Variants in WDR97 observed in about 807,000 individuals in gnomAD.
WDR97 encodes the protein WD repeat-containing protein 97.
A neutral mutation model predicts 65.4 loss-of-function variants in WDR97; 111 were observed. The observed-to-expected ratio is 1.70, with a 90% confidence interval of 1.45 to 1.99. WDR97 has a LOEUF of 1.99. Among genes scored for constraint, WDR97 ranks in the 30% most tolerant of loss-of-function variants. The pLI is 0.00. For missense variants in WDR97, 1,674 were observed against 865.0 expected (o/e 1.94, Z -11.73); for synonymous variants, 802 against 397.7 (o/e 2.02, Z -12.10).
chr8:144,109,280 A>G, intron 4 of WDR97, 55 bp from the exon 5 acceptor site: 1 of 698,580 alleles, frequency 1.4e-6, no homozygotes, highest in Non-Finnish European at 2.6e-6. Context: ...ACTGCAACAC[A>G]GGCTGAAGGC....
rs535613226 is a variant in WDR97 at position 144,110,846 on chromosome 8, C to A, written c.2172-18C>A. On this transcript the variant is annotated intron_variant, in intron 8 of 23. Transcript: ENST00000323662. ...CCTTGTCCCTGCTGAGCCTCGGCTGCCCTGGGTGCCTCTCCAGGCTCCTGC... is the reference window on the plus strand; with the variant it reads ...CCTTGTCCCTGCTGAGCCTCGGCTGACCTGGGTGCCTCTCCAGGCTCCTGC... 3 of 702,684 alleles carry A rather than the reference C, an allele frequency of 4.3e-6. No homozygotes were observed. The highest frequency in any genetic ancestry group is 5.4e-5 in the East Asian group (2 of 37,282). 43.5% of individuals were successfully genotyped at this position (702,684 alleles called of 1,614,324 possible).
rs1265917031 is a variant in WDR97 at position 144,109,373 on chromosome 8, C to T, written c.1039C>T (p.Leu347=). Residue 347 remains leucine, a synonymous_variant, in exon 5 of 24, where the codon CTG becomes TTG. Transcript: ENST00000323662. ...TAMTVLPNTT[L]VLSASQDGTL... is the part of the protein sequence containing the mutation. Reference sequence around the variant, plus strand: ...TATGACTGTGCTCCCGAACACGACCCTGGTGTTGTCGGCCTCGCAGGACGG... The same window carrying T: ...TATGACTGTGCTCCCGAACACGACCTTGGTGTTGTCGGCCTCGCAGGACGG... 1 of 702,668 alleles carries T rather than the reference C, an allele frequency of 1.4e-6. No homozygotes were observed. Among genetic ancestry groups the T allele is most frequent in the East Asian group, 2.7e-5 (1 of 37,278 alleles). The allele number at this position is 702,668 out of a possible 1,614,324, so 43.5% of individuals were successfully genotyped here. A position where few individuals can be genotyped will look rare whatever the true frequency, so the allele number is the denominator to read the frequency against.
rs1318705440 is a variant in WDR97 at position 144,115,390 on chromosome 8, C to T, written c.4127C>T (p.Ser1376Phe). Residue 1376 changes from serine (S) to phenylalanine (F), a missense_variant, in exon 22 of 24, where the codon TCC (serine) becomes TTC (phenylalanine). Coordinates refer to ENST00000323662, the MANE Select transcript of WDR97 (RefSeq NM_001316309.2). ...SVVSGAPTRA[S>F]VIPSGTSWSA... ...GTCTCTGGGGCACCCACACGCGCCTCCGTGATACCCTCGGGCACCTCCTGG... is the reference window on the plus strand; with the variant it reads ...GTCTCTGGGGCACCCACACGCGCCTTCGTGATACCCTCGGGCACCTCCTGG... 2 of 627,722 alleles carry T rather than the reference C, an allele frequency of 3.2e-6. No individual in the cohort carries two copies. The highest frequency in any genetic ancestry group is 1.8e-5 in the South Asian group (1 of 56,668). 38.9% of individuals were successfully genotyped at this position (627,722 alleles called of 1,614,324 possible).
At chr8:144,112,781 G>T in intron 15 of WDR97, 1 of 558,986 alleles carries the variant, frequency 1.8e-6, no homozygotes, top group Non-Finnish European at 3.2e-6. Context: ...GCTGACATCA[G>T]GCAAAGCCAG....
Position 144,111,159 on chromosome 8 carries a change from A to G in WDR97, c.2363A>G (p.Gln788Arg), listed in dbSNP as rs1836540459. 2.8e-6 allele frequency: 2 copies of G among 702,818 alleles called. No homozygotes were observed. Among genetic ancestry groups the G allele is most frequent in the East Asian group, 5.4e-5 (2 of 37,274 alleles). The allele number at this position is 702,818 out of a possible 1,614,324, so 43.5% of individuals were successfully genotyped here. Residue 788 changes from glutamine to arginine, a missense_variant, in exon 10 of 24, where the codon CAG becomes CGG. Transcript: ENST00000323662. ...GACCCTCCGCTGCCACTGATGAGCC[A>G]GGAGTCACTGACTTCCGCCCAACTG... ...VDDPPLPLMS[Q>R]ESLTSAQLQR...
Position 144,108,687 on chromosome 8 carries a change from C to G in WDR97, c.621C>G (p.Asp207Glu). The change falls in exon 3 of 24, where the codon GAC becomes GAG. Residue 207 changes from aspartate (D) to glutamate (E), a missense_variant. Transcript: ENST00000323662. ...CCACCTGCTGCCTGCCGGTTCCCGACCTCAGGCTGCTGCTCGTTGCGGAGA... is the reference window on the plus strand; with the variant it reads ...CCACCTGCTGCCTGCCGGTTCCCGAGCTCAGGCTGCTGCTCGTTGCGGAGA... ...WAPTCCLPVP[D>E]LRLLLVAEMN... 1.4e-6 allele frequency: 1 copy of G among 700,932 alleles called. No individual in the cohort carries two copies. The highest frequency in any genetic ancestry group is 2.6e-6 in the Non-Finnish European group (1 of 384,528). The allele number at this position is 700,932 out of a possible 1,614,324, so 43.4% of individuals were successfully genotyped here.
chr8:144,109,613 C>A lies in WDR97; in HGVS notation c.1279C>A (p.His427Asn). 1.5e-6 allele frequency: 1 copy of A among 687,158 alleles called. No individual in the cohort carries two copies. Among genetic ancestry groups the A allele is most frequent in the Non-Finnish European group, 2.6e-6 (1 of 378,312 alleles). The allele number at this position is 687,158 out of a possible 1,614,324, so 42.6% of individuals were successfully genotyped here. The change falls in exon 5 of 24, where the codon CAC becomes AAC. Residue 427 changes from histidine to asparagine, a missense_variant. Transcript: ENST00000323662. The part of the protein sequence containing the change: ...PLAQLPAKVL[H>N]VQVAPALPAP... ...GGCGCAACTGCCCGCCAAGGTGCTCCACGTGCAGGTGGCGCCCGCGTTGCC... is the reference window on the plus strand; with the variant it reads ...GGCGCAACTGCCCGCCAAGGTGCTCAACGTGCAGGTGGCGCCCGCGTTGCC...
At position 144,116,511 on chromosome 8, in the gene WDR97, C is replaced by T. The variant is rs948967908; in HGVS notation, c.*218C>T. 153 of 494,412 alleles carry T rather than the reference C, an allele frequency of 3.1e-4. 1 individual carries two copies. The highest frequency in any genetic ancestry group is 4.8e-4 in the Non-Finnish European group (135 of 282,118). 30.6% of individuals were successfully genotyped at this position (494,412 alleles called of 1,614,324 possible). ...CTGGCGGAGGTGGCCATCGTGGGCA[C>T]CAGCGTTCCCGGAGGGGTGGCCGGC... On this transcript the variant is annotated 3_prime_UTR_variant, in exon 24 of 24. Coordinates refer to ENST00000323662, the MANE Select transcript of WDR97 (RefSeq NM_001316309.2).
chr8:144,110,893 C>A lies in WDR97; in HGVS notation c.2201C>A (p.Ala734Asp), dbSNP rs1176089426. ...RLLQLNGAPQALAFCSNSGDL... is the reference protein window; with the variant it reads ...RLLQLNGAPQDLAFCSNSGDL... ...CTGCAGCTGAATGGTGCCCCTCAGG[C>A]CCTGGCTTTCTGCAGCAACAGTGGA... The change falls in exon 9 of 24, where the codon GCC becomes GAC. Residue 734 changes from alanine (A) to aspartate (D), a missense_variant. Coordinates refer to ENST00000323662, the MANE Select transcript of WDR97 (RefSeq NM_001316309.2). The A allele has an allele frequency of 1.4e-6, 1 of 702,776 alleles. No individual in the cohort carries two copies. The highest frequency in any genetic ancestry group is 2.6e-6 in the Non-Finnish European group (1 of 384,984). The allele number at this position is 702,776 out of a possible 1,614,324, so 43.5% of individuals were successfully genotyped here.
chr8:144,114,510 C>T (rs775895750), intron 19 of WDR97, 35 bp downstream of exon 19: 39 of 702,288 alleles, frequency 5.6e-5, no homozygotes, highest in Non-Finnish European at 8.3e-5. Flanking sequence ...TTTTCCTCCC[C>T]GCCCACCGGC....
At chr8:144,112,769 G>C in intron 15 of WDR97, 1 of 569,714 alleles carries the variant, frequency 1.8e-6, no homozygotes, top group Non-Finnish European at 3.1e-6. Flanking sequence ...GCTGCTCTGG[G>C]AGCTGACATC....
In WDR97 at chr8:144,114,476, G is replaced by A. The variant is rs1348934027; in HGVS notation, c.3792+1G>A. On this transcript the variant is annotated splice_donor_variant, in intron 19 of 23. Transcript: ENST00000323662. LOFTEE classifies it high-confidence loss of function. ...CCTGGACCAGCCCCCCAGCCTCCAG[G>A]TGTGCCCCTTGTCCTGCCCCCAGTT... The A allele has an allele frequency of 1.4e-5, 10 of 702,410 alleles. No homozygotes were observed. The East Asian group carries it at 2.7e-4, about 19-fold the overall frequency. 43.5% of individuals were successfully genotyped at this position (702,410 alleles called of 1,614,324 possible).
rs1328888251 is a variant in WDR97, at chr8:144,108,157, C to G, written c.211C>G (p.Leu71Val). The G allele has an allele frequency of 4.3e-6, 3 of 702,368 alleles. No homozygotes were observed. The South Asian group carries it at 4.4e-5, about 10-fold the overall frequency. 43.5% of individuals were successfully genotyped at this position (702,368 alleles called of 1,614,324 possible). A position where few individuals can be genotyped will look rare whatever the true frequency, so the allele number is the denominator to read the frequency against. ...TPRARARRLWLLLRTSLHEVV... is the reference protein window; with the variant it reads ...TPRARARRLWVLLRTSLHEVV... ...GCGCGCCCGCGCCCGCCGGCTGTGG[C>G]TGCTTCTGCGCACCAGCCTCCACGA... is the stretch of plus-strand genomic sequence containing the variant. The change falls in exon 2 of 24, where the codon CTG (leucine) becomes GTG (valine). Residue 71 changes from leucine (L) to valine (V), a missense_variant. By Grantham distance (32) the Leu-to-Val change is conservative. Transcript: ENST00000323662.
At position 144,111,479 on chromosome 8, in the gene WDR97, C is replaced by T. The variant is rs551025595; in HGVS notation, c.2480C>T (p.Pro827Leu). 6.7e-5 allele frequency: 47 copies of T among 702,646 alleles called. No individual in the cohort carries two copies. In the East Asian group the frequency reaches 8.9e-4, roughly 13 times the overall value. 43.5% of individuals were successfully genotyped at this position (702,646 alleles called of 1,614,324 possible). A position where few individuals can be genotyped will look rare whatever the true frequency, so the allele number is the denominator to read the frequency against. ...RRRATSQHLV[P>L]KEDLDAIVAR... The stretch of plus-strand genomic sequence containing the variant: ...AGGGCAACATCTCAGCACCTGGTGC[C>T]GAAGGAGGTGGGGTGGGTCCTCCTT... Residue 827 changes from proline (P) to leucine (L), a missense_variant, in exon 11 of 24, where the codon CCG (proline) becomes CTG (leucine). Transcript: ENST00000323662.
chr8:144,112,299 G>A lies in WDR97; in HGVS notation c.2971G>A (p.Gly991Arg), dbSNP rs762664480. 4.3e-6 allele frequency: 3 copies of A among 702,634 alleles called. No individual in the cohort carries two copies. The highest frequency in any genetic ancestry group is 7.8e-6 in the Non-Finnish European group (3 of 384,958). The allele number at this position is 702,634 out of a possible 1,614,324, so 43.5% of individuals were successfully genotyped here. A position where few individuals can be genotyped will look rare whatever the true frequency, so the allele number is the denominator to read the frequency against. Residue 991 changes from glycine to arginine, a missense_variant, in exon 14 of 24, where the codon GGG becomes AGG. Physicochemically the swap from Gly to Arg is moderately radical, Grantham distance 125 (BLOSUM62 -2). Coordinates refer to ENST00000323662, the MANE Select transcript of WDR97 (RefSeq NM_001316309.2). ...GCAGCTGCAGTTGGAGCAGCTCCGAGGGAGGACGACCATGGCCCTGGACCT... is the reference window on the plus strand; with the variant it reads ...GCAGCTGCAGTTGGAGCAGCTCCGAAGGAGGACGACCATGGCCCTGGACCT... ...DLQLQLEQLR[G>R]RTTMALDLPS...
In WDR97 at chr8:144,109,466, C is replaced by T; in HGVS notation, c.1132C>T (p.Gln378Ter). Residue 378 changes from glutamine to a stop codon, truncating the protein, a stop_gained, in exon 5 of 24, where the codon CAG becomes TAG. Transcript: ENST00000323662. LOFTEE classifies it high-confidence loss of function. ...VGEVALGFWGQDKLSRRVGRL... is the reference protein window; with the variant it reads ...VGEVALGFWG ...CGAGGTAGCGCTGGGCTTCTGGGGCCAGGACAAGCTGTCCCGGCGCGTGGG... is the reference window on the plus strand; with the variant it reads ...CGAGGTAGCGCTGGGCTTCTGGGGCTAGGACAAGCTGTCCCGGCGCGTGGG... 2.9e-6 allele frequency: 2 copies of T among 700,120 alleles called. No individual in the cohort carries two copies. Among genetic ancestry groups the T allele is most frequent in the Non-Finnish European group, 5.2e-6 (2 of 383,716 alleles). The allele number at this position is 700,120 out of a possible 1,614,324, so 43.4% of individuals were successfully genotyped here.
At position 144,116,521 on chromosome 8, in the gene WDR97, C is replaced by G; in HGVS notation, c.*228C>G. ...TGGCCATCGTGGGCACCAGCGTTCC[C>G]GGAGGGGTGGCCGGCCTAGGGCAGA... is the stretch of plus-strand genomic sequence containing the variant. On this transcript the variant is annotated 3_prime_UTR_variant, in exon 24 of 24. Transcript: ENST00000323662. 6 of 487,918 alleles carry G rather than the reference C, an allele frequency of 1.2e-5. No individual in the cohort carries two copies. The highest frequency in any genetic ancestry group is 2.2e-5 in the Non-Finnish European group (6 of 278,104). The allele number at this position is 487,918 out of a possible 1,614,324, so 30.2% of individuals were successfully genotyped here.
In WDR97 at chr8:144,109,730, G is replaced by T. The variant is rs1383757318; in HGVS notation, c.1396G>T (p.Val466Leu). The T allele has an allele frequency of 7.3e-6, 5 of 681,754 alleles. No homozygotes were observed. The highest frequency in any genetic ancestry group is 1.3e-5 in the Non-Finnish European group (5 of 376,760). 42.2% of individuals were successfully genotyped at this position (681,754 alleles called of 1,614,324 possible). Residue 466 changes from valine (V) to leucine (L), a missense_variant, in exon 5 of 24, where the codon GTG becomes TTG. Coordinates refer to ENST00000323662, the MANE Select transcript of WDR97 (RefSeq NM_001316309.2). The part of the protein sequence containing the change: ...YLLSAATGRI[V>L]SSLLLEPEDC... ...CCTGTCGGCGGCCACCGGGCGCATA[G>T]TGAGCTCACTGCTGCTGGAGCCGGA... is the stretch of plus-strand genomic sequence containing the variant.
rs1350872959 is a variant in WDR97, at chr8:144,108,112, C to T, written c.166C>T (p.Gln56Ter). 3 of 702,676 alleles carry T rather than the reference C, an allele frequency of 4.3e-6. No homozygotes were observed. The highest frequency in any genetic ancestry group is 4.0e-5 in the Admixed American group (2 of 50,008). The allele number at this position is 702,676 out of a possible 1,614,324, so 43.5% of individuals were successfully genotyped here. A position where few individuals can be genotyped will look rare whatever the true frequency, so the allele number is the denominator to read the frequency against. Residue 56 changes from glutamine to a stop codon, truncating the protein, a stop_gained, in exon 2 of 24, where the codon CAG becomes TAG. Coordinates refer to ENST00000323662, the MANE Select transcript of WDR97 (RefSeq NM_001316309.2). LOFTEE classifies it high-confidence loss of function. ...CCTGCCCTTTTTGACCAGCAGCCAA[C>T]AGTGGCAAAGCCTGACCCCGCGCGC... Reference protein sequence around the residue: ...QVLPFLTSSQQWQSLTPRARA... With the variant: ...QVLPFLTSSQ
Sources: gnomAD v4.1 joint callset for allele counts on GRCh38, gnomAD v4.1.1 for gene constraint, MANE v1.5 for transcripts, NCBI Gene and HGNC (gene_info 2026-07-23, HGNC 2026-07-21) for gene names.